The following VPS37A variants were observed in gnomAD, a reference collection of about 807,000 sequenced individuals.
VPS37A encodes the protein VPS37A subunit of ESCRT-I, also known as vacuolar protein sorting-associated protein 37A.
Under a neutral mutation model 49.8 loss-of-function variants are expected in VPS37A, and 30 were observed. The observed-to-expected ratio is 0.60, with a 90% CI of 0.45 to 0.82. The LOEUF is 0.82. Ranked by LOEUF, VPS37A falls within the 40% of genes least tolerant of loss-of-function variation. The pLI, the probability that VPS37A is intolerant of heterozygous loss-of-function variation, is 0.00. For synonymous variants in VPS37A, 195 were observed against 160.6 expected, an observed-to-expected ratio of 1.21 and a Z score of -1.62; for missense variants, 593 against 464.4, an observed-to-expected ratio of 1.28 and a Z score of -2.55.
chr8:17,249,824 A>G (rs755733758), intron 1 of VPS37A, among the ~76,000 whole-genome samples: 3 of 152,216 alleles, frequency 2.0e-5, no homozygotes, highest in Non-Finnish European at 4.4e-5. Flanking sequence ...TTTACACTGC[A>G]TGGGAGCCTT....
chr8:17,324,156 A>G, the VPS37A span, among the ~76,000 whole-genome samples: 2 of 152,290 alleles, frequency 1.3e-5, no homozygotes, highest in South Asian at 4.1e-4. Context: ...TCCTGCCATG[A>G]TTTCTGCTCT....
At chr8:17,322,950 CTTTTTT>C in the VPS37A span, among the ~76,000 whole-genome samples, 1 of 125,776 alleles carries the variant, frequency 8.0e-6, no homozygotes, top group Non-Finnish European at 1.6e-5. Context: ...ATTGAATTAT[CTTTTTT>C]TTTTTTTTTT....
the VPS37A span, among the ~76,000 whole-genome samples, chr8:17,316,464 TAAAA>T: frequency 8.4e-5 from 12 of 143,458 alleles, no homozygotes; most frequent in Admixed American, 1.4e-4. Flanking sequence ...AACAGTACAG[TAAAA>T]AAAAAAAAAA....
the VPS37A span, among the ~76,000 whole-genome samples, chr8:17,318,783 T>C: frequency 6.6e-6 from 1 of 152,182 alleles, no homozygotes; most frequent in Non-Finnish European, 1.5e-5. Flanking sequence ...TGATGGCCAG[T>C]TCTGTGCCCC....
intron 4 of VPS37A, 74 bp downstream of exon 4, chr8:17,269,030 C>G (rs1227503986): frequency 2.8e-6 from 3 of 1,071,884 alleles, no homozygotes; most frequent in Non-Finnish European, 2.6e-6. Context: ...TTTAAAAATT[C>G]AAATGATGTT....
chr8:17,256,915 G>A (rs956225109), intron 1 of VPS37A, among the ~76,000 whole-genome samples: 12 of 152,128 alleles, frequency 7.9e-5, no homozygotes, highest in Admixed American at 7.9e-4. Context: ...GCCTCACTGT[G>A]TAGGTTTTTA....
At chr8:17,311,561 C>G in the VPS37A span, 2 of 1,614,118 alleles carry the variant, frequency 1.2e-6, no homozygotes, top group Non-Finnish European at 1.7e-6. Context: ...AGGCTTGCCA[C>G]CGAGCACACC....
intron 1 of VPS37A, chr8:17,248,405 G>T (rs1396822119): frequency 2.2e-6 from 1 of 455,188 alleles, no homozygotes; most frequent in South Asian, 1.5e-5. Context: ...CCTCCGAGTA[G>T]CTGGGATTAC....
chr8:17,255,537 A>G (rs1812365283), intron 1 of VPS37A, among the ~76,000 whole-genome samples: 1 of 152,042 alleles, frequency 6.6e-6, no homozygotes, highest in East Asian at 1.9e-4. Flanking sequence ...TATATATATA[A>G]ACTAAGTGAT....
At chr8:17,311,453 A>G in the VPS37A span, 2 of 1,604,748 alleles carry the variant, frequency 1.2e-6, no homozygotes, top group Admixed American at 1.7e-5. Context: ...TTGTAAAAAC[A>G]GGGGTCCATT....
downstream of VPS37A, among the ~76,000 whole-genome samples, chr8:17,300,692 C>G (rs906883420): frequency 6.6e-6 from 1 of 152,172 alleles, no homozygotes; most frequent in Non-Finnish European, 1.5e-5. Context: ...GGTTGTGCAA[C>G]GATCACTACT....
downstream of VPS37A, among the ~76,000 whole-genome samples, chr8:17,307,278 T>C (rs1817515218): frequency 6.6e-6 from 1 of 152,094 alleles, no homozygotes; most frequent in Non-Finnish European, 1.5e-5. Flanking sequence ...AAAAGACACA[T>C]GAAAAAATGC....
intron 2 of VPS37A, among the ~76,000 whole-genome samples, chr8:17,267,306 T>A (rs2150375098): frequency 6.6e-6 from 1 of 152,250 alleles, no homozygotes; most frequent in East Asian, 1.9e-4. Flanking sequence ...CAACAAATAG[T>A]TGTCTGAACC....
downstream of VPS37A, among the ~76,000 whole-genome samples, chr8:17,304,769 T>TGTGTGTGTGTGTGTGTGTGTGTGTGTGTG: frequency 1.6e-5 from 1 of 61,012 alleles, no homozygotes; most frequent in African/African-American, 1.3e-4. Flanking sequence ...GTGTGTGTGT[T>TGTGTGTGTGTGTGTGTGTGTGTGTGTGTG]AAGCTGTTCT....
Position 17,296,996 on chromosome 8 carries a change from C to T in VPS37A, c.*2010C>T, listed in dbSNP as rs541044259. ...AAAAGAATCTGCATTTGAATATGCC[C>T]GTATGAATGTGGGTTCTGTTTTTGC... On this transcript the variant is annotated 3_prime_UTR_variant, in exon 12 of 12. Transcript: ENST00000324849. The T allele has an allele frequency of 1.6e-4, 25 of 152,178 alleles. No homozygotes were observed. The East Asian group carries it at 2.3e-3, about 14-fold the overall frequency. The allele number at this position is 152,178 out of a possible 1,614,324, so 9.4% of individuals were successfully genotyped here.
At chr8:17,283,173 AT>A (rs371088557) in intron 9 of VPS37A, among the ~76,000 whole-genome samples, 101 of 149,968 alleles carry the variant, frequency 6.7e-4, no homozygotes, top group African/African-American at 2.4e-3. Context: ...CATGGCCATT[AT>A]TTTTTTTTTC....
the VPS37A span, chr8:17,313,357 G>A: frequency 2.5e-6 from 4 of 1,612,696 alleles, no homozygotes; most frequent in African/African-American, 5.3e-5. Flanking sequence ...GAGTTCTCCA[G>A]ACCCCACAGG....
intron 1 of VPS37A, among the ~76,000 whole-genome samples, chr8:17,262,639 ATGGT>A (rs1367645971): frequency 3.3e-5 from 5 of 152,020 alleles, no homozygotes; most frequent in African/African-American, 4.8e-5. Context: ...GTATAAAGAT[ATGGT>A]TATAAGAATG....
chr8:17,249,836 A>G (rs1243925057), intron 1 of VPS37A, among the ~76,000 whole-genome samples: 2 of 152,258 alleles, frequency 1.3e-5, no homozygotes, highest in Admixed American at 6.5e-5. Flanking sequence ...GGGAGCCTTC[A>G]GAAATGAAGC....
Sources: allele counts gnomAD v4.1 joint callset (sites outside exome capture counted in the v4.1 genomes callset), GRCh38; gene constraint gnomAD v4.1.1; transcripts MANE v1.5; gene names NCBI Gene and HGNC (gene_info 2026-07-23, HGNC 2026-07-21).